Variants in IGF2BP1 observed in about 807,000 individuals in gnomAD.
IGF2BP1 encodes the protein insulin-like growth factor 2 mRNA-binding protein 1.
Under a neutral mutation model 74.9 loss-of-function variants are expected in IGF2BP1, and 11 were observed. That is an observed-to-expected ratio of 0.15 (90% CI 0.09 to 0.24). The LOEUF (loss-of-function observed/expected upper bound fraction) is 0.24, where lower values mean the gene tolerates loss of function less well. Among genes scored for constraint, IGF2BP1 ranks in the 10% least tolerant of loss-of-function variants. The probability of loss-of-function intolerance (pLI) is 1.00; values close to 1 mark genes in which losing one functional copy is unlikely to be tolerated. For missense variants in IGF2BP1, 440 were observed against 757.4 expected (o/e 0.58, Z 4.92); for synonymous variants, 287 against 281.8 (o/e 1.02, Z -0.18).
chr17:49,001,764 AAG>A (rs1442922332), intron 2 of IGF2BP1, among the ~76,000 whole-genome samples: 1 of 152,154 alleles, frequency 6.6e-6, no homozygotes, highest in African/African-American at 2.4e-5. Context: ...ACTGAGACAA[AAG>A]AGAAAAACCA....
chr17:49,043,917 TG>T, intron 10 of IGF2BP1, 49 bp from the exon 11 acceptor site: 1 of 1,603,084 alleles, frequency 6.2e-7, no homozygotes, highest in Non-Finnish European at 8.5e-7. Context: ...GGAGGGTTTC[TG>T]GGCCATGCTA....
chr17:48,999,194 G>T (rs188227744), intron 2 of IGF2BP1, 25 bp downstream of exon 2: 5 of 724,062 alleles, frequency 6.9e-6, no homozygotes, highest in African/African-American at 1.9e-5. Flanking sequence ...TTTTCGGGGG[G>T]GGTGGGGGGG....
chr17:49,019,935 TATATATATA>T (rs1567815773), intron 2 of IGF2BP1, among the ~76,000 whole-genome samples: 1 of 61,572 alleles, frequency 1.6e-5, no homozygotes, highest in Non-Finnish European at 3.1e-5. Context: ...TATATATATA[TATATATATA>T]TATATTTATA....
chr17:49,035,820 C>T (rs1567823426), intron 5 of IGF2BP1, among the ~76,000 whole-genome samples: 1 of 152,180 alleles, frequency 6.6e-6, no homozygotes, highest in Non-Finnish European at 1.5e-5. Flanking sequence ...AGATTCCAGC[C>T]GGGATACGTA....
intron 5 of IGF2BP1, chr17:49,037,283 A>G: frequency 4.3e-6 from 2 of 460,996 alleles, no homozygotes; most frequent in South Asian, 2.2e-5. Context: ...GCTGGAAAGA[A>G]AATTCTCTAT....
chr17:49,026,570 T>C (rs2041856488), intron 4 of IGF2BP1, 53 bp downstream of exon 4: 1 of 1,459,186 alleles, frequency 6.9e-7, no homozygotes, highest in South Asian at 1.1e-5. Context: ...TGGAGGAGTT[T>C]GGTGCATTTG....
chr17:49,022,776 C>T (rs530123808), intron 2 of IGF2BP1, among the ~76,000 whole-genome samples: 64 of 152,274 alleles, frequency 4.2e-4, no homozygotes, highest in Middle Eastern at 6.8e-3. Context: ...GTTTGAAGTG[C>T]GAGGGAATTT....
At chr17:49,030,255 T>C (rs1165777773) in intron 4 of IGF2BP1, among the ~76,000 whole-genome samples, 1 of 151,644 alleles carries the variant, frequency 6.6e-6, no homozygotes. Context: ...AGTTCTTCTG[T>C]CTCAACCTCC....
intron 5 of IGF2BP1, among the ~76,000 whole-genome samples, chr17:49,035,130 G>A (rs2041971698): frequency 6.6e-6 from 1 of 152,184 alleles, no homozygotes; most frequent in Non-Finnish European, 1.5e-5. Context: ...AAGCCTTTAC[G>A]TTTATGATCG....
intron 2 of IGF2BP1, among the ~76,000 whole-genome samples, chr17:49,021,056 C>T (rs140057634): frequency 0.013 from 1,977 of 151,858 alleles, 46 homozygotes; most frequent in African/African-American, 0.045. Flanking sequence ...GGTGGGAGGA[C>T]CCCTTGAGCC....
At chr17:49,002,631 A>G (rs1294306769) in intron 2 of IGF2BP1, among the ~76,000 whole-genome samples, 1 of 152,054 alleles carries the variant, frequency 6.6e-6, no homozygotes, top group Non-Finnish European at 1.5e-5. Context: ...ACTATTCAAC[A>G]TGGAAGTTTA....
rs1334539377 is a variant in IGF2BP1, at chr17:49,042,367, C to T, written c.1067C>T (p.Ala356Val). The change falls in exon 9 of 15, where the codon GCT (alanine) becomes GTT (valine). Residue 356 changes from alanine (A) to valine (V), a missense_variant. This residue lies in a region of IGF2BP1 where 184 missense variants were observed against 273.4 expected (regional missense o/e 0.67). Transcript: ENST00000290341. Reference sequence around the variant, plus strand: ...CGGGAGGCCTATGAGAATGATGTGGCTGCCATGAGCGTGAGTGCTGGGTAG... The same window carrying T: ...CGGGAGGCCTATGAGAATGATGTGGTTGCCATGAGCGTGAGTGCTGGGTAG... Reference protein sequence around the residue: ...KVREAYENDVAAMSLQSHLIP... With the variant: ...KVREAYENDVVAMSLQSHLIP... 2 of 1,613,984 alleles carry T rather than the reference C, an allele frequency of 1.2e-6. No individual in the cohort carries two copies. Among genetic ancestry groups the T allele is most frequent in the Non-Finnish European group, 1.7e-6 (2 of 1,180,030 alleles).
intron 8 of IGF2BP1, among the ~76,000 whole-genome samples, chr17:49,041,966 TC>T (rs2042057607): frequency 6.6e-6 from 1 of 152,206 alleles, no homozygotes; most frequent in Non-Finnish European, 1.5e-5. Context: ...TTATGTAGAA[TC>T]AATGGGGAAA....
chr17:49,023,263 C>T lies in IGF2BP1; in HGVS notation c.237-2355C>T, dbSNP rs368450258. On this transcript the variant is annotated intron_variant, in intron 2 of 14. Coordinates refer to ENST00000290341, the MANE Select transcript of IGF2BP1 (RefSeq NM_006546.4). ...TTTTGTCCTGCTATAATCTGACTTA[C>T]TTAGGTCAAGTTCATGAACAAACCA... Among the ~76,000 whole-genome samples the T allele has an allele frequency of 1.3e-4, 20 of 152,326 alleles. No homozygotes were observed. The East Asian group carries it at 2.9e-3, about 22-fold the overall frequency.
chr17:49,048,543 G>A (rs1402121115), intron 14 of IGF2BP1, among the ~76,000 whole-genome samples: 1 of 152,076 alleles, frequency 6.6e-6, no homozygotes, highest in South Asian at 2.1e-4. Context: ...ATGAGCCACC[G>A]TGCACCTGGC....
At chr17:49,025,313 A>AGTGTGTGTGTGTGTGTGTGTGT (rs369153046) in intron 2 of IGF2BP1, among the ~76,000 whole-genome samples, 1 of 133,554 alleles carries the variant, frequency 7.5e-6, no homozygotes, top group Non-Finnish European at 1.6e-5. Context: ...GGACAAACAA[A>AGTGTGTGTGTGTGTGTGTGTGT]GTGTGTGTGT....
intron 5 of IGF2BP1, among the ~76,000 whole-genome samples, chr17:49,035,000 A>G (rs2041970618): frequency 6.6e-6 from 1 of 152,244 alleles, no homozygotes; most frequent in Admixed American, 6.5e-5. Flanking sequence ...AATAAGAAGA[A>G]CAAGGAAGAA....
Position 49,041,477 on chromosome 17 carries a change from C to A in IGF2BP1, c.918C>A (p.Thr306=), listed in dbSNP as rs139646507. 13 of 1,613,958 alleles carry A rather than the reference C, an allele frequency of 8.1e-6. No individual in the cohort carries two copies. In the Middle Eastern group the frequency reaches 9.9e-4, roughly 123 times the overall value. ...ACCTGAAGAAGGTAGAGCAAGATAC[C>A]GAGACAAAAATCACCATCTCCTCGT... ...GRNLKKVEQD[T]ETKITISSLQ... is the part of the protein sequence containing the mutation. The change falls in exon 8 of 15, where the codon ACC becomes ACA. Residue 306 remains threonine (T), a synonymous_variant. Transcript: ENST00000290341.
intron 2 of IGF2BP1, among the ~76,000 whole-genome samples, chr17:49,018,343 C>T (rs1481204219): frequency 1.3e-5 from 2 of 152,204 alleles, no homozygotes; most frequent in African/African-American, 4.8e-5. Context: ...AGGTTTGAAA[C>T]ATGTTTGTTG....
Sources: allele counts gnomAD v4.1 joint callset (sites outside exome capture counted in the v4.1 genomes callset), GRCh38; gene constraint gnomAD v4.1.1; regional missense constraint gnomAD v4.1.1; transcripts MANE v1.5; gene names NCBI Gene and HGNC (gene_info 2026-07-23, HGNC 2026-07-21).